Variants in TRIML2 observed in about 807,000 individuals in gnomAD.
TRIML2 encodes probable E3 ubiquitin-protein ligase TRIML2.
A neutral mutation model predicts 31.2 loss-of-function variants in TRIML2; 28 were observed. That is an observed-to-expected ratio of 0.90 (90% CI 0.66 to 1.23). The LOEUF (loss-of-function observed/expected upper bound fraction) is 1.23, where lower values mean the gene tolerates loss of function less well. TRIML2 is among the 50% of genes most tolerant of loss of function. The pLI, the probability that TRIML2 is intolerant of heterozygous loss-of-function variation, is 0.00. For missense variants in TRIML2, 536 were observed against 528.3 expected, an observed-to-expected ratio of 1.01 and a Z score of -0.14; for synonymous variants, 187 against 197.5, an observed-to-expected ratio of 0.95 and a Z score of 0.45.
Position 188,101,090 on chromosome 4 carries a change from G to A in TRIML2, c.446C>T (p.Thr149Ile). ...TLLNQAIKLA[T>I]ELEEMFQEML... ...TTCCTGGAACATCTCCTCTAGCTCG[G>A]TGGCAAGCTTGATCGCTTGATTCAG... is the stretch of plus-strand genomic sequence containing the variant. The change falls in exon 4 of 8, where the codon ACC becomes ATC. Residue 149 changes from threonine to isoleucine, a missense_variant. Transcript: ENST00000682553. The A allele has an allele frequency of 6.2e-7, 1 of 1,613,328 alleles. No homozygotes were observed. Among genetic ancestry groups the A allele is most frequent in the Non-Finnish European group, 8.5e-7 (1 of 1,179,684 alleles).
chr4:188,106,412 C>T (rs936228687), intron 1 of TRIML2: 3 of 152,242 alleles, frequency 2.0e-5, no homozygotes, highest in Non-Finnish European at 4.4e-5. Context: ...AAGCCAAAGC[C>T]ACTCTTCTCA....
chr4:188,096,432 C>A (rs958547144), intron 7 of TRIML2, among the ~76,000 whole-genome samples: 1 of 140,822 alleles, frequency 7.1e-6, no homozygotes, highest in Non-Finnish European at 1.5e-5. Context: ...CTTGGGAGGC[C>A]GAGGCAGGAG....
At chr4:188,091,980 C>A in intron 7 of TRIML2, 39 bp from the exon 8 acceptor site, 1 of 1,554,306 alleles carries the variant, frequency 6.4e-7, no homozygotes, top group South Asian at 1.2e-5. Flanking sequence ...TAGGAGTTCA[C>A]CAATGCCAAT....
chr4:188,093,832 C>T (rs747758582), intron 7 of TRIML2, among the ~76,000 whole-genome samples: 2 of 151,898 alleles, frequency 1.3e-5, no homozygotes, highest in East Asian at 1.9e-4. Flanking sequence ...GGGCCAGGTG[C>T]GGTGGCTCAC....
At chr4:188,106,819 C>A (rs561531516) in intron 1 of TRIML2, 3 of 247,042 alleles carry the variant, frequency 1.2e-5, no homozygotes, top group South Asian at 5.7e-5. Flanking sequence ...GCTAAGGTGG[C>A]CAAGCGAGAA....
chr4:188,095,101 G>A (rs1020657941), intron 7 of TRIML2, among the ~76,000 whole-genome samples: 7 of 152,102 alleles, frequency 4.6e-5, no homozygotes, highest in Non-Finnish European at 8.8e-5. Context: ...GTGGGGGGAG[G>A]AGAGGGTTTG....
At chr4:188,101,856 C>T (rs1003684040) in intron 3 of TRIML2, among the ~76,000 whole-genome samples, 5 of 151,906 alleles carry the variant, frequency 3.3e-5, no homozygotes, top group African/African-American at 4.8e-5. Context: ...ATTGGCTGGG[C>T]GCGGTGGTTC....
chr4:188,092,612 C>T (rs1159117148), intron 7 of TRIML2, among the ~76,000 whole-genome samples: 3 of 152,168 alleles, frequency 2.0e-5, no homozygotes, highest in African/African-American at 7.2e-5. Flanking sequence ...AGGAGTCGGC[C>T]AGCAGCAACT....
At chr4:188,101,333 A>G (rs902724319) in intron 3 of TRIML2, 83 bp from the exon 4 acceptor site, 4 of 690,972 alleles carry the variant, frequency 5.8e-6, no homozygotes, top group African/African-American at 3.6e-5. Context: ...ATAGATATCT[A>G]TATCTATATA....
chr4:188,091,896 A>T lies in TRIML2; in HGVS notation c.791T>A (p.Leu264Gln). ...TCTCATAGTTCTCAGGTCCTCAGAT[A>T]GTGCCAGGCAGGGATGAGCTGTTTC... ...DPETAHPCLA[L>Q]SEDLRTMRLR... Residue 264 changes from leucine (L) to glutamine (Q), a missense_variant, in exon 8 of 8, where the codon CTA becomes CAA. Physicochemically the swap from Leu to Gln is moderately radical, Grantham distance 113. Coordinates refer to ENST00000682553, the MANE Select transcript of TRIML2 (RefSeq NM_173553.4). 1 of 1,613,560 alleles carries T rather than the reference A, an allele frequency of 6.2e-7. No individual in the cohort carries two copies. Among genetic ancestry groups the T allele is most frequent in the Non-Finnish European group, 8.5e-7 (1 of 1,180,024 alleles).
At position 188,096,934 on chromosome 4, in the gene TRIML2, G is replaced by A. The variant is rs1041546543; in HGVS notation, c.745+127C>T. On this transcript the variant is annotated intron_variant, in intron 7 of 7. Coordinates refer to ENST00000682553, the MANE Select transcript of TRIML2 (RefSeq NM_173553.4). ...GGCCTCCCAAAGTGCTGGGATTACA[G>A]GAGTGACCCACTGTGCTGGCCTAAA... 8 of 731,016 alleles carry A rather than the reference G, an allele frequency of 1.1e-5. No homozygotes were observed. In the African/African-American group the frequency reaches 1.4e-4, roughly 13 times the overall value. 45.3% of individuals were successfully genotyped at this position (731,016 alleles called of 1,614,324 possible).
rs138463218 is a variant in TRIML2, at chr4:188,099,381, T to C, written c.481-206A>G. On this transcript the variant is annotated intron_variant, in intron 4 of 7. Transcript: ENST00000682553. ...GGGTTTGAGACCAGCCTGGCCAACA[T>C]GGTGAAACCCAGTCTCCACTAGAAG... 7.4e-3 allele frequency among the ~76,000 whole-genome samples: 1,119 copies of C among 152,226 alleles called. 19 individuals carry two copies. The highest frequency in any genetic ancestry group is 0.026 in the African/African-American group (1,064 of 41,530).
Position 188,104,899 on chromosome 4 carries a change from C to T in TRIML2, c.223G>A (p.Glu75Lys), listed in dbSNP as rs1248524610. 3 of 1,614,020 alleles carry T rather than the reference C, an allele frequency of 1.9e-6. No homozygotes were observed. The highest frequency in any genetic ancestry group is 2.5e-6 in the Non-Finnish European group (3 of 1,179,972). Residue 75 changes from glutamate to lysine, a missense_variant, in exon 3 of 8, where the codon GAG (glutamate) becomes AAG (lysine). Transcript: ENST00000682553. ...LFQEILNTSR[E>K]KLEAAKSILT... ...ATGCTTTTAGCTGCTTCAAGTTTCT[C>T]CCTCGATGTGTTCAATATTTCCTGG...
At chr4:188,104,291 A>G (rs2111187176) in intron 3 of TRIML2, among the ~76,000 whole-genome samples, 1 of 152,306 alleles carries the variant, frequency 6.6e-6, no homozygotes, top group African/African-American at 2.4e-5. Flanking sequence ...AAATATATTT[A>G]CTTTCTTTTC....
chr4:188,094,230 T>G (rs1485781134), intron 7 of TRIML2, among the ~76,000 whole-genome samples: 1 of 152,192 alleles, frequency 6.6e-6, no homozygotes, highest in Non-Finnish European at 1.5e-5. Context: ...TAAGCAAGTG[T>G]CCACTCTCAC....
chr4:188,097,075 A>G lies in TRIML2; in HGVS notation c.731T>C (p.Phe244Ser). ...TGTCAACTTACTCTGGAGTACTCTG[A>G]ACATGCTGCTGAGTCCTCTTATGTG... ...LCHIRGLSSM[F>S]RVLQRHLTLD... is the part of the protein sequence containing the mutation. The change falls in exon 7 of 8, where the codon TTC becomes TCC. Residue 244 changes from phenylalanine to serine, a missense_variant. By Grantham distance (155) the Phe-to-Ser change is radical. Transcript: ENST00000682553. 6.2e-7 allele frequency: 1 copy of G among 1,613,098 alleles called. No homozygotes were observed. The highest frequency in any genetic ancestry group is 1.1e-5 in the South Asian group (1 of 91,078).
chr4:188,092,291 C>G (rs576618695), intron 7 of TRIML2, among the ~76,000 whole-genome samples: 5 of 152,126 alleles, frequency 3.3e-5, no homozygotes, highest in African/African-American at 1.2e-4. Flanking sequence ...GAAACCCCAT[C>G]TCTACTAAAA....
chr4:188,100,320 C>A (rs1174642838), intron 4 of TRIML2, among the ~76,000 whole-genome samples: 1 of 152,136 alleles, frequency 6.6e-6, no homozygotes, highest in Non-Finnish European at 1.5e-5. Flanking sequence ...ACTGTTATAT[C>A]CAGTTTACAG....
chr4:188,108,052 C>G (rs1409765154), intron 1 of TRIML2, among the ~76,000 whole-genome samples: 1 of 152,118 alleles, frequency 6.6e-6, no homozygotes, highest in African/African-American at 2.4e-5. Context: ...CTGACCACAC[C>G]CTTCTTCCTA....
Sources: gnomAD v4.1 joint callset for allele counts (sites outside exome capture counted in the v4.1 genomes callset) on GRCh38, gnomAD v4.1.1 for gene constraint, MANE v1.5 for transcripts, NCBI Gene and HGNC (gene_info 2026-07-23, HGNC 2026-07-21) for gene names.